ZDHHC14: variants seen among roughly 807,000 people sequenced by gnomAD.
ZDHHC14 encodes the protein zDHHC palmitoyltransferase 14.
Under a neutral mutation model 47.7 loss-of-function variants are expected in ZDHHC14, and 16 were observed. The observed-to-expected ratio is 0.34, with a 90% CI of 0.23 to 0.51. The LOEUF is 0.51. Ranked by LOEUF, ZDHHC14 falls within the 20% of genes least tolerant of loss-of-function variation. The probability of loss-of-function intolerance (pLI) is 0.97; values close to 1 mark genes in which losing one functional copy is unlikely to be tolerated. For synonymous variants in ZDHHC14, 293 were observed against 278.9 expected, an observed-to-expected ratio of 1.05 and a Z score of -0.50; for missense variants, 515 against 662.5, an observed-to-expected ratio of 0.78 and a Z score of 2.44.
At chr6:157,648,569 G>A (rs1379545714) in intron 7 of ZDHHC14, among the ~76,000 whole-genome samples, 2 of 151,962 alleles carry the variant, frequency 1.3e-5, no homozygotes, top group African/African-American at 4.8e-5. Flanking sequence ...AGAAACTTGG[G>A]AGCCCAGCAT....
chr6:157,484,728 T>C (rs1779736779), intron 1 of ZDHHC14, among the ~76,000 whole-genome samples: 2 of 151,878 alleles, frequency 1.3e-5, no homozygotes, highest in African/African-American at 4.8e-5. Flanking sequence ...GGTAAGTTTT[T>C]CTTAAAAAAA....
intron 1 of ZDHHC14, among the ~76,000 whole-genome samples, chr6:157,505,804 G>A (rs1410035832): frequency 6.6e-6 from 1 of 152,180 alleles, no homozygotes; most frequent in Non-Finnish European, 1.5e-5. Context: ...TAAGAGTTTT[G>A]TTTCTGTAGT....
intron 3 of ZDHHC14, among the ~76,000 whole-genome samples, chr6:157,608,400 G>A (rs1209187264): frequency 6.6e-6 from 1 of 151,990 alleles, no homozygotes; most frequent in African/African-American, 2.4e-5. Context: ...GTGGTACAGG[G>A]AGGTGAGTGA....
rs1210948521 is a variant in ZDHHC14, at chr6:157,677,820, A to G, written c.*4698A>G. 1 of 150,824 alleles carries G rather than the reference A, an allele frequency of 6.6e-6. No homozygotes were observed. Among genetic ancestry groups the G allele is most frequent in the Non-Finnish European group, 1.5e-5 (1 of 67,822 alleles). 9.3% of individuals were successfully genotyped at this position (150,824 alleles called of 1,614,324 possible). ...CAAGGAGACATGCTTTCTGGGTTCT[A>G]TATGAATAGAGATGGTTTTAGCCTG... is the stretch of plus-strand genomic sequence containing the variant. On this transcript the variant is annotated 3_prime_UTR_variant, in exon 9 of 9. Coordinates refer to ENST00000359775, the MANE Select transcript of ZDHHC14 (RefSeq NM_024630.3).
chr6:157,505,135 G>A (rs1383298731), intron 1 of ZDHHC14, among the ~76,000 whole-genome samples: 1 of 152,182 alleles, frequency 6.6e-6, no homozygotes, highest in Admixed American at 6.5e-5. Context: ...AAACTCAAAA[G>A]CAAGCATATT....
rs1379662776 is a variant in ZDHHC14 at position 157,675,707 on chromosome 6, TG to T, written c.*2586del. On this transcript the variant is annotated 3_prime_UTR_variant, in exon 9 of 9. Coordinates refer to ENST00000359775, the MANE Select transcript of ZDHHC14 (RefSeq NM_024630.3). ...CGGAGGGGCAGCTCACCTGGCGAGG[TG>T]ATGGCTCTGCATTTCCCACGAACAT... is the stretch of plus-strand genomic sequence containing the variant. 1 of 152,202 alleles carries T rather than the reference TG, an allele frequency of 6.6e-6. No individual in the cohort carries two copies. The highest frequency in any genetic ancestry group is 2.4e-5 in the African/African-American group (1 of 41,440). The allele number at this position is 152,202 out of a possible 1,614,324, so 9.4% of individuals were successfully genotyped here.
intron 4 of ZDHHC14, 182 bp downstream of exon 4, chr6:157,628,668 C>A: frequency 1.4e-6 from 1 of 728,644 alleles, no homozygotes; most frequent in African/African-American, 1.8e-5. Flanking sequence ...ATCCCTCCTC[C>A]GTCCCCTGTC....
chr6:157,570,426 A>G (rs1232066602), intron 2 of ZDHHC14, among the ~76,000 whole-genome samples: 1 of 152,224 alleles, frequency 6.6e-6, no homozygotes, highest in Non-Finnish European at 1.5e-5. Flanking sequence ...AAACACACAA[A>G]TATTTCTAGC....
At chr6:157,672,682 CTCCTCTCCA>C in intron 8 of ZDHHC14, 33 bp from the exon 9 acceptor site, 1 of 1,602,848 alleles carries the variant, frequency 6.2e-7, no homozygotes, top group Admixed American at 1.7e-5. Context: ...CCTCTGCCCC[CTCCTCTCCA>C]CCTTCTCTTT....
At chr6:157,409,845 G>GA (rs1170885908) in intron 1 of ZDHHC14, among the ~76,000 whole-genome samples, 1 of 151,502 alleles carries the variant, frequency 6.6e-6, no homozygotes, top group African/African-American at 2.4e-5. Flanking sequence ...TTTTTGGGGG[G>GA]GGGGACAGAG....
At chr6:157,425,799 G>T (rs1309490821) in intron 1 of ZDHHC14, among the ~76,000 whole-genome samples, 3 of 152,126 alleles carry the variant, frequency 2.0e-5, no homozygotes, top group African/African-American at 7.2e-5. Flanking sequence ...TGCTGCCTGG[G>T]CTCCAGCCAC....
chr6:157,547,328 T>G (rs1057440521), intron 2 of ZDHHC14, among the ~76,000 whole-genome samples: 1 of 152,174 alleles, frequency 6.6e-6, no homozygotes, highest in Non-Finnish European at 1.5e-5. Flanking sequence ...TCTTTTGTTA[T>G]TTCCTAAATT....
chr6:157,474,220 AC>A (rs1257055391), intron 1 of ZDHHC14, among the ~76,000 whole-genome samples: 11 of 152,048 alleles, frequency 7.2e-5, no homozygotes, highest in African/African-American at 2.7e-4. Context: ...CGAATGCCTG[AC>A]CTCAGGTGAT....
chr6:157,503,130 T>C (rs770469580), intron 1 of ZDHHC14, among the ~76,000 whole-genome samples: 1 of 152,232 alleles, frequency 6.6e-6, no homozygotes, highest in Non-Finnish European at 1.5e-5. Context: ...GGCTCCATGT[T>C]GGTCTGTGTG....
intron 2 of ZDHHC14, among the ~76,000 whole-genome samples, chr6:157,589,651 C>A (rs1387532090): frequency 1.3e-5 from 2 of 152,164 alleles, no homozygotes; most frequent in African/African-American, 4.8e-5. Flanking sequence ...GAGGCCTCCC[C>A]AGCCCTTCAG....
chr6:157,404,027 A>G (rs1049766346), intron 1 of ZDHHC14, among the ~76,000 whole-genome samples: 11 of 152,262 alleles, frequency 7.2e-5, no homozygotes, highest in Non-Finnish European at 1.2e-4. Flanking sequence ...CACTTCCCCC[A>G]TAGTTGGTAC....
intron 1 of ZDHHC14, among the ~76,000 whole-genome samples, chr6:157,513,075 C>A (rs2114753089): frequency 6.6e-6 from 1 of 152,356 alleles, no homozygotes; most frequent in South Asian, 2.1e-4. Context: ...TTAAATAATG[C>A]ATCCACTTCT....
chr6:157,550,559 T>A (rs1287341155), intron 2 of ZDHHC14, among the ~76,000 whole-genome samples: 1 of 152,114 alleles, frequency 6.6e-6, no homozygotes, highest in Non-Finnish European at 1.5e-5. Context: ...ACACAGACAC[T>A]CTAGAGAGAA....
At chr6:157,468,022 C>T (rs1779262271) in intron 1 of ZDHHC14, among the ~76,000 whole-genome samples, 2 of 152,236 alleles carry the variant, frequency 1.3e-5, no homozygotes, top group African/African-American at 2.4e-5. Flanking sequence ...AGAGAAAAAG[C>T]ATCACATCAG....
Sources: gnomAD v4.1 joint callset for allele counts (sites outside exome capture counted in the v4.1 genomes callset) on GRCh38, gnomAD v4.1.1 for gene constraint, MANE v1.5 for transcripts, NCBI Gene and HGNC (gene_info 2026-07-23, HGNC 2026-07-21) for gene names.